HCCS: variants seen among roughly 807,000 people sequenced by gnomAD.
The protein encoded by HCCS is holocytochrome c-type synthase.
HCCS carries 2 observed loss-of-function variants against 24.2 expected under a neutral mutation model. The observed-to-expected ratio is 0.08, with a 90% confidence interval of 0.03 to 0.26. The LOEUF (loss-of-function observed/expected upper bound fraction) is 0.26, where lower values mean the gene tolerates loss of function less well. HCCS is among the 10% of genes least tolerant of loss of function. The pLI, the probability that HCCS is intolerant of heterozygous loss-of-function variation, is 1.00. For missense variants in HCCS, 150 were observed against 213.3 expected (o/e 0.70, Z 1.85); for synonymous variants, 73 against 76.2 (o/e 0.96, Z 0.22).
chrX:11,121,413 A>G (rs966649642), intron 6 of HCCS, among the ~76,000 whole-genome samples, 199 bp from the exon 7 acceptor site: 4 of 112,465 alleles, frequency 3.6e-5, no homozygotes, highest in Non-Finnish European at 7.5e-5. Flanking sequence ...ATGAGCTGTC[A>G]TCTGATACGG....
intron 3 of HCCS, chrX:11,116,017 A>G (rs188183367): frequency 8.9e-6 from 1 of 112,139 alleles, no homozygotes; most frequent in African/African-American, 3.2e-5. Flanking sequence ...CACTTACCCC[A>G]TGGGATCATG....
Position 11,112,059 on chromosome X carries a change from C to T in HCCS, c.-2C>T, listed in dbSNP as rs755049957. On this transcript the variant is annotated 5_prime_UTR_variant, in exon 2 of 7. Coordinates refer to ENST00000380762, the MANE Select transcript of HCCS (RefSeq NM_005333.5). ...TGTTTACAGTCAACACTGTTTCCAG[C>T]CATGGGTTTGTCTCCATCTGCTCCT... 4.2e-6 allele frequency: 5 copies of T among 1,195,597 alleles called. No individual in the cohort carries two copies. The highest frequency in any genetic ancestry group is 5.7e-6 in the Non-Finnish European group (5 of 881,608).
Position 11,121,864 on chromosome X carries a change from A to T in HCCS, c.*54A>T, listed in dbSNP as rs906220079. ...CTATTTTTTTCTGAGCGATACATTA[A>T]ACTATTTTCCCCAGATTGAATTGCA... On this transcript the variant is annotated 3_prime_UTR_variant, in exon 7 of 7. Coordinates refer to ENST00000380762, the MANE Select transcript of HCCS (RefSeq NM_005333.5). The T allele has an allele frequency of 1.7e-5, 17 of 1,002,234 alleles. No individual in the cohort carries two copies. The highest frequency in any genetic ancestry group is 2.2e-5 in the Non-Finnish European group (16 of 713,520). 82.6% of individuals were successfully genotyped at this position (1,002,234 alleles called of 1,213,427 possible).
At chrX:11,119,803 AGT>A (rs1037897243) in intron 5 of HCCS, among the ~76,000 whole-genome samples, 1 of 112,186 alleles carries the variant, frequency 8.9e-6, no homozygotes, top group Non-Finnish European at 1.9e-5. Flanking sequence ...CTACTTTGAA[AGT>A]GTGTTCTAAT....
chrX:11,113,410 C>T lies in HCCS; in HGVS notation c.100+1250C>T, dbSNP rs752399220. Among the ~76,000 whole-genome samples, 10 of 112,421 alleles carry T rather than the reference C, an allele frequency of 8.9e-5. No homozygotes were observed. In the South Asian group the frequency reaches 3.7e-3, roughly 41 times the overall value. Reference sequence around the variant, plus strand: ...TACGACTTCATAAGCTAAGTTTTCTCCCTATTTTATAGTCAAGGAAACTAA... The same window carrying T: ...TACGACTTCATAAGCTAAGTTTTCTTCCTATTTTATAGTCAAGGAAACTAA... On this transcript the variant is annotated intron_variant, in intron 2 of 6. Coordinates refer to ENST00000380762, the MANE Select transcript of HCCS (RefSeq NM_005333.5).
intron 5 of HCCS, chrX:11,120,170 GGT>G: frequency 4.6e-6 from 1 of 216,527 alleles, no homozygotes; most frequent in South Asian, 6.0e-5. Context: ...TAACAATATA[GGT>G]GGCCTGCTGA....
At chrX:11,118,710 A>C in intron 5 of HCCS, 90 bp downstream of exon 5, 1 of 985,393 alleles carries the variant, frequency 1.0e-6, no homozygotes, top group Non-Finnish European at 1.4e-6. Context: ...CATTTGTTCT[A>C]ATAAAACATT....
Position 11,118,491 on chromosome X carries a change from T to C in HCCS, c.402-10T>C. On this transcript the variant is annotated splice_polypyrimidine_tract_variant and intron_variant, in intron 4 of 6. Coordinates refer to ENST00000380762, the MANE Select transcript of HCCS (RefSeq NM_005333.5). Reference sequence around the variant, plus strand: ...ACAGTTGTCAAATTTTACCAAATATTCTTTCCTAGGTGGAAGTGGAAGGAT... The same window carrying C: ...ACAGTTGTCAAATTTTACCAAATATCCTTTCCTAGGTGGAAGTGGAAGGAT... 1.7e-6 allele frequency: 2 copies of C among 1,193,745 alleles called. No individual in the cohort carries two copies. The highest frequency in any genetic ancestry group is 2.3e-6 in the Non-Finnish European group (2 of 879,071).
intron 2 of HCCS, among the ~76,000 whole-genome samples, chrX:11,112,893 T>G (rs1460246752): frequency 1.8e-5 from 2 of 112,424 alleles, no homozygotes; most frequent in Non-Finnish European, 3.8e-5. Flanking sequence ...CATCCTACAA[T>G]GTACAGAACA....
chrX:11,120,991 G>A lies in HCCS; in HGVS notation c.606G>A (p.Met202Ile). ...YSPRARIRSWMGYELPFDRHD... is the reference protein window; with the variant it reads ...YSPRARIRSWIGYELPFDRHD... Reference sequence around the variant, plus strand: ...CAAGGGCACGAATTCGTTCCTGGATGGGGTGAGTGTCAGCGCAGAAGTGTT... The same window carrying A: ...CAAGGGCACGAATTCGTTCCTGGATAGGGTGAGTGTCAGCGCAGAAGTGTT... Residue 202 changes from methionine (M) to isoleucine (I), a missense_variant and splice_region_variant, in exon 6 of 7, where the codon ATG (methionine) becomes ATA (isoleucine). Met to Ile is a conservative substitution (Grantham distance 10). This residue lies in a region of HCCS where 55 missense variants were observed against 134.2 expected (regional missense o/e 0.41). Coordinates refer to ENST00000380762, the MANE Select transcript of HCCS (RefSeq NM_005333.5). The A allele has an allele frequency of 8.4e-7, 1 of 1,194,766 alleles. No individual in the cohort carries two copies. The highest frequency in any genetic ancestry group is 2.2e-5 in the Admixed American group (1 of 46,076).
At chrX:11,112,717 C>CT (rs1306286002) in intron 2 of HCCS, among the ~76,000 whole-genome samples, 1 of 113,101 alleles carries the variant, frequency 8.8e-6, no homozygotes, top group Non-Finnish European at 1.9e-5. Context: ...AGTGAGTACT[C>CT]TAAACCAGCC....
At chrX:11,119,127 G>A (rs1191865865) in intron 5 of HCCS, among the ~76,000 whole-genome samples, 1 of 111,973 alleles carries the variant, frequency 8.9e-6, no homozygotes, top group Admixed American at 9.4e-5. Flanking sequence ...AGGGGACAGA[G>A]ACCCTGCCTC....
rs1305042935 is a variant in HCCS at position 11,121,860 on chromosome X, A to G, written c.*50A>G. The stretch of plus-strand genomic sequence containing the variant: ...TAAACTATTTTTTTCTGAGCGATAC[A>G]TTAAACTATTTTCCCCAGATTGAAT... On this transcript the variant is annotated 3_prime_UTR_variant, in exon 7 of 7. Coordinates refer to ENST00000380762, the MANE Select transcript of HCCS (RefSeq NM_005333.5). 9.8e-7 allele frequency: 1 copy of G among 1,017,440 alleles called. No homozygotes were observed. Among genetic ancestry groups the G allele is most frequent in the East Asian group, 3.1e-5 (1 of 32,433 alleles). 83.8% of individuals were successfully genotyped at this position (1,017,440 alleles called of 1,213,427 possible).
At chrX:11,114,550 C>T (rs1275406398) in intron 2 of HCCS, among the ~76,000 whole-genome samples, 1 of 112,602 alleles carries the variant, frequency 8.9e-6, no homozygotes, top group Non-Finnish European at 1.9e-5. Flanking sequence ...AACACATGCT[C>T]TTGCAACTGC....
chrX:11,112,831 T>C (rs1304988851), intron 2 of HCCS, among the ~76,000 whole-genome samples: 8 of 112,639 alleles, frequency 7.1e-5, no homozygotes, highest in Non-Finnish European at 1.5e-4. Flanking sequence ...GGAGGCATTT[T>C]TGGTTGTCAC....
At chrX:11,113,860 C>A (rs2045430159) in intron 2 of HCCS, among the ~76,000 whole-genome samples, 1 of 112,241 alleles carries the variant, frequency 8.9e-6, no homozygotes, top group South Asian at 3.7e-4. Context: ...GGCAGTGGCA[C>A]AGGGCACCAG....
intron 6 of HCCS, 119 bp from the exon 7 acceptor site, chrX:11,121,493 C>G (rs2045491347): frequency 8.7e-6 from 5 of 575,517 alleles, no homozygotes; most frequent in Non-Finnish European, 1.5e-5. Flanking sequence ...AGTCTGACTT[C>G]CCCAGTTAGG....
intron 4 of HCCS, among the ~76,000 whole-genome samples, chrX:11,117,950 T>TG (rs2045461278): frequency 9.0e-6 from 1 of 111,182 alleles, no homozygotes; most frequent in South Asian, 3.8e-4. Flanking sequence ...CCACACGGAG[T>TG]GGGGAGGGCA....
rs778359463 is a variant in HCCS at position 11,121,072 on chromosome X, G to A, written c.608+79G>A. 8.0e-5 allele frequency: 61 copies of A among 760,946 alleles called. No individual in the cohort carries two copies. The African/African-American group carries it at 8.8e-4, about 11-fold the overall frequency. The allele number at this position is 760,946 out of a possible 1,213,427, so 62.7% of individuals were successfully genotyped here. Reference sequence around the variant, plus strand: ...TCTCTTCACACCAAAACCAGTCTAAGAATTGCAGTGCCATCTTGCAAAACT... The same window carrying A: ...TCTCTTCACACCAAAACCAGTCTAAAAATTGCAGTGCCATCTTGCAAAACT... On this transcript the variant is annotated intron_variant, in intron 6 of 6. Coordinates refer to ENST00000380762, the MANE Select transcript of HCCS (RefSeq NM_005333.5).
Sources: gnomAD v4.1 joint callset for allele counts (sites outside exome capture counted in the v4.1 genomes callset) on GRCh38, gnomAD v4.1.1 for gene constraint, gnomAD v4.1.1 regional missense constraint, MANE v1.5 for transcripts, NCBI Gene and HGNC (gene_info 2026-07-23, HGNC 2026-07-21) for gene names.